CTNNA3: variants seen among roughly 807,000 people sequenced by gnomAD.
CTNNA3 encodes catenin alpha-3.
Under a neutral mutation model 95.7 loss-of-function variants are expected in CTNNA3, and 76 were observed. The ratio of observed to expected loss-of-function variants is 0.79; its 90% CI spans 0.66 to 0.96. The LOEUF (loss-of-function observed/expected upper bound fraction) is 0.96, where lower values mean the gene tolerates loss of function less well. Among genes scored for constraint, CTNNA3 ranks in the 40% least tolerant of loss-of-function variants. CTNNA3 has a pLI of 0.00. For missense variants in CTNNA3, 1,191 were observed against 1,089.8 expected (o/e 1.09, Z -1.31); for synonymous variants, 431 against 374.4 (o/e 1.15, Z -1.74).
chr10:67,134,118 C>T (rs1860173760), intron 7 of CTNNA3, among the ~76,000 whole-genome samples: 1 of 152,078 alleles, frequency 6.6e-6, no homozygotes, highest in African/African-American at 2.4e-5. Flanking sequence ...TATACTCTTT[C>T]TAGAATAACA....
chr10:67,370,860 GT>G lies in CTNNA3; in HGVS notation c.579+150981del, dbSNP rs897049286. 8.0e-4 allele frequency among the ~76,000 whole-genome samples: 116 copies of G among 144,622 alleles called. 2 individuals are homozygous for G. The East Asian group carries it at 0.017, about 21-fold the overall frequency. The allele number at this position is 144,622 out of a possible 152,430, so 94.9% of individuals were successfully genotyped here. A position where few individuals can be genotyped will look rare whatever the true frequency, so the allele number is the denominator to read the frequency against. On this transcript the variant is annotated intron_variant, in intron 5 of 17. Coordinates refer to ENST00000433211, the MANE Select transcript of CTNNA3 (RefSeq NM_013266.4). ...ATAATCCTATACATGTTAAGAGGAA[GT>G]TTTTTTTGTTTTTTTTTTTTTTTGA...
At chr10:66,298,711 G>C (rs900452038) in intron 12 of CTNNA3, among the ~76,000 whole-genome samples, 11 of 152,092 alleles carry the variant, frequency 7.2e-5, no homozygotes, top group African/African-American at 2.7e-4. Context: ...CAGAGAGTTG[G>C]CAAGTGATCT....
chr10:66,432,693 T>C (rs893529100), intron 11 of CTNNA3, among the ~76,000 whole-genome samples: 3 of 150,640 alleles, frequency 2.0e-5, no homozygotes, highest in African/African-American at 7.3e-5. Flanking sequence ...CTGGTATACA[T>C]GTGCAGAACA....
chr10:66,019,830 T>C (rs2079166706), intron 15 of CTNNA3, among the ~76,000 whole-genome samples: 1 of 152,216 alleles, frequency 6.6e-6, no homozygotes, highest in African/African-American at 2.4e-5. Flanking sequence ...TTTTTTTGTT[T>C]TCTGTCTACT....
chr10:67,545,767 T>C (rs895489784), intron 3 of CTNNA3, among the ~76,000 whole-genome samples: 1 of 152,200 alleles, frequency 6.6e-6, no homozygotes, highest in Non-Finnish European at 1.5e-5. Flanking sequence ...ATATAAGTTA[T>C]GCGTTTGTGT....
chr10:66,056,745 A>G lies in CTNNA3; in HGVS notation c.2159+12563T>C, dbSNP rs542510965. Among the ~76,000 whole-genome samples, 57 of 152,276 alleles carry G rather than the reference A, an allele frequency of 3.7e-4. No individual in the cohort carries two copies. In the South Asian group the frequency reaches 4.4e-3, roughly 12 times the overall value. ...AGGTTTTGGATTTCTTCAGCATTCA[A>G]TCTTGGTACTTGCATATGGTTAGGA... is the stretch of plus-strand genomic sequence containing the variant. On this transcript the variant is annotated intron_variant, in intron 15 of 17. Transcript: ENST00000433211.
intron 7 of CTNNA3, among the ~76,000 whole-genome samples, chr10:66,835,887 G>C (rs1329595422): frequency 1.1e-4 from 17 of 152,116 alleles, no homozygotes; most frequent in Admixed American, 1.0e-3. Flanking sequence ...TGATTTAGTA[G>C]GCTAGCGGGT....
intron 9 of CTNNA3, among the ~76,000 whole-genome samples, chr10:66,760,723 G>A (rs1014816268): frequency 6.6e-6 from 1 of 152,086 alleles, no homozygotes; most frequent in Non-Finnish European, 1.5e-5. Context: ...ACATGGAAAG[G>A]AACTCACCGT....
chr10:67,254,793 G>A (rs148948404), intron 5 of CTNNA3, among the ~76,000 whole-genome samples: 1 of 152,300 alleles, frequency 6.6e-6, no homozygotes, highest in African/African-American at 2.4e-5. Context: ...GCAACAGGCT[G>A]TATCATGTAA....
At chr10:66,961,879 A>G (rs1265892242) in intron 7 of CTNNA3, among the ~76,000 whole-genome samples, 3 of 152,156 alleles carry the variant, frequency 2.0e-5, no homozygotes, top group Non-Finnish European at 4.4e-5. Context: ...AGTTAATGGC[A>G]TATGGAGGCC....
intron 7 of CTNNA3, among the ~76,000 whole-genome samples, chr10:66,941,837 A>G (rs778648258): frequency 6.6e-6 from 1 of 152,230 alleles, no homozygotes; most frequent in Non-Finnish European, 1.5e-5. Context: ...TTTTTATTAT[A>G]TCAGTACATC....
At chr10:66,321,587 AT>A (rs202101487) in intron 12 of CTNNA3, among the ~76,000 whole-genome samples, 2,430 of 152,216 alleles carry the variant, frequency 0.016, 44 homozygotes, top group Non-Finnish European at 0.024. Flanking sequence ...AGTTGCATAC[AT>A]TTTTGAAAAC....
In CTNNA3 at chr10:66,643,316, A is replaced by G. The variant is rs191487946; in HGVS notation, c.1282-21532T>C. Among the ~76,000 whole-genome samples the G allele has an allele frequency of 2.9e-3, 437 of 152,318 alleles. 6 individuals are homozygous for G. Among genetic ancestry groups the G allele is most frequent in the Admixed American group, 4.6e-3 (71 of 15,300 alleles). On this transcript the variant is annotated intron_variant, in intron 9 of 17. Transcript: ENST00000433211. ...ATGTATCTTGTACATGAAAATAGCA[A>G]CTTGGCTCTGCTGGGTAACTGAAGA...
intron 5 of CTNNA3, among the ~76,000 whole-genome samples, chr10:67,490,285 C>A (rs1267345949): frequency 6.6e-6 from 1 of 152,056 alleles, no homozygotes; most frequent in Non-Finnish European, 1.5e-5. Context: ...ATTATTTTAC[C>A]AAGAGATAAG....
chr10:67,429,992 G>A (rs989263957), intron 5 of CTNNA3, among the ~76,000 whole-genome samples: 1 of 151,922 alleles, frequency 6.6e-6, no homozygotes, highest in Non-Finnish European at 1.5e-5. Context: ...ACTGATAAAG[G>A]AAAAAGACTT....
chr10:67,504,346 C>T (rs188217629), intron 5 of CTNNA3, among the ~76,000 whole-genome samples: 229 of 136,762 alleles, frequency 1.7e-3, no homozygotes, highest in African/African-American at 5.8e-3. Context: ...CCAGCTACTC[C>T]GGAGGCTAAG....
chr10:67,406,014 C>T (rs1286784484), intron 5 of CTNNA3, among the ~76,000 whole-genome samples: 2 of 152,146 alleles, frequency 1.3e-5, no homozygotes, highest in African/African-American at 4.8e-5. Context: ...GTAATCAGAA[C>T]ATGGGGGCAG....
chr10:66,727,305 C>A (rs1310509980), intron 9 of CTNNA3, among the ~76,000 whole-genome samples: 1 of 151,722 alleles, frequency 6.6e-6, no homozygotes, highest in African/African-American at 2.4e-5. Flanking sequence ...AGAATAGCAA[C>A]AGTTATATCT....
intron 1 of CTNNA3, among the ~76,000 whole-genome samples, chr10:67,756,453 T>C (rs1841433685): frequency 6.6e-6 from 1 of 152,222 alleles, no homozygotes; most frequent in Non-Finnish European, 1.5e-5. Flanking sequence ...ACATCTATTA[T>C]GCATCAATAA....
Sources: gnomAD v4.1 joint callset for allele counts (sites outside exome capture counted in the v4.1 genomes callset) on GRCh38, gnomAD v4.1.1 for gene constraint, MANE v1.5 for transcripts, NCBI Gene and HGNC (gene_info 2026-07-23, HGNC 2026-07-21) for gene names.